The following SLC1A6 variants were observed in gnomAD, a reference collection of about 807,000 sequenced individuals.
The protein encoded by SLC1A6 is solute carrier family 1 member 6, also known as excitatory amino acid transporter 4.
SLC1A6 carries 15 observed loss-of-function variants against 42.1 expected under a neutral mutation model. The observed-to-expected ratio is 0.36, with a 90% CI of 0.24 to 0.55. The LOEUF (loss-of-function observed/expected upper bound fraction) is 0.55, where lower values mean the gene tolerates loss of function less well. Ranked by LOEUF, SLC1A6 falls within the 20% of genes least tolerant of loss-of-function variation. The pLI is 0.88. For synonymous variants in SLC1A6, 317 were observed against 319.7 expected (o/e 0.99, Z 0.09); for missense variants, 542 against 772.5 (o/e 0.70, Z 3.54).
rs770752701 is a variant in SLC1A6 at position 14,956,548 on chromosome 19, G to A, written c.1097C>T (p.Thr366Ile). 2 of 1,613,248 alleles carry A rather than the reference G, an allele frequency of 1.2e-6. No homozygotes were observed. The highest frequency in any genetic ancestry group is 4.5e-5 in the East Asian group (2 of 44,878). ...AATGAAGGGGAAGGGGTTCCGGTGA[G>A]TGACGAGGAAGTAGATGAGGGGAAG... Reference protein sequence around the residue: ...IVLPLIYFLVTHRNPFPFIGG... With the variant: ...IVLPLIYFLVIHRNPFPFIGG... Residue 366 changes from threonine (T) to isoleucine (I), a missense_variant, in exon 7 of 10, where the codon ACT becomes ATT. By Grantham distance (89) the Thr-to-Ile change is moderately conservative. Coordinates refer to ENST00000594383, the MANE Select transcript of SLC1A6 (RefSeq NM_005071.3).
chr19:14,963,995 C>CT (rs34907139), intron 5 of SLC1A6: 81,596 of 158,632 alleles, frequency 0.51, 20,904 homozygotes, highest in Admixed American at 0.58. Context: ...TTTTTTTAAT[C>CT]TTTTTTTTTT....
chr19:14,969,524 G>C (rs2045613490), intron 3 of SLC1A6, among the ~76,000 whole-genome samples: 1 of 152,228 alleles, frequency 6.6e-6, no homozygotes, highest in Admixed American at 6.5e-5. Flanking sequence ...ATGAGGCTGA[G>C]AGGCCAGCCT....
At chr19:14,954,410 C>A (rs917172352) in intron 7 of SLC1A6, 81 bp from the exon 8 acceptor site, 1 of 1,305,962 alleles carries the variant, frequency 7.7e-7, no homozygotes. Flanking sequence ...CCTAGTGGGG[C>A]AGGGCAGAGA....
intron 3 of SLC1A6, among the ~76,000 whole-genome samples, chr19:14,969,103 G>C (rs1350778663): frequency 1.3e-5 from 2 of 152,108 alleles, no homozygotes; most frequent in Non-Finnish European, 2.9e-5. Flanking sequence ...GCCTTCCAAA[G>C]TGCTGGGATT....
intron 1 of SLC1A6, among the ~76,000 whole-genome samples, chr19:14,995,729 G>T (rs968731984): frequency 4.6e-5 from 7 of 152,040 alleles, no homozygotes; most frequent in Non-Finnish European, 1.0e-4. Flanking sequence ...TAAAAGTCCA[G>T]ATCCCCAATG....
At chr19:14,967,909 G>A (rs2045592308) in intron 4 of SLC1A6, among the ~76,000 whole-genome samples, 2 of 152,196 alleles carry the variant, frequency 1.3e-5, no homozygotes, top group Admixed American at 1.3e-4. Flanking sequence ...GACAGAGGCT[G>A]TGCATTTGGG....
At chr19:14,998,542 A>G (rs2045857578) in intron 1 of SLC1A6, among the ~76,000 whole-genome samples, 1 of 152,186 alleles carries the variant, frequency 6.6e-6, no homozygotes, top group South Asian at 2.1e-4. Context: ...CTCTGTCTCA[A>G]AAAACAAACA....
chr19:14,983,771 C>A (rs1030945813), upstream of SLC1A6, among the ~76,000 whole-genome samples: 7 of 149,088 alleles, frequency 4.7e-5, no homozygotes, highest in African/African-American at 1.7e-4. Context: ...CTGTGACGTG[C>A]CTTACAGAGA....
At chr19:14,957,094 GCTTCC>G (rs538276524) in intron 6 of SLC1A6, among the ~76,000 whole-genome samples, 51 of 152,204 alleles carry the variant, frequency 3.4e-4, no homozygotes, top group African/African-American at 1.2e-3. Context: ...GGCCTTCTAA[GCTTCC>G]CTTATCTTCT....
In SLC1A6 at chr19:14,962,272, G is replaced by T; in HGVS notation, c.665C>A (p.Ala222Asp). Residue 222 changes from alanine to aspartate, a missense_variant, in exon 6 of 10, where the codon GCC (alanine) becomes GAC (aspartate). By Grantham distance (126) the Ala-to-Asp change is moderately radical. This residue lies in a region of SLC1A6 where 298 missense variants were observed against 419.4 expected (regional missense o/e 0.71). Transcript: ENST00000594383. The stretch of plus-strand genomic sequence containing the variant: ...CACTGAGAATGGAGGAGGCATGGAG[G>T]CACCCGGCTCAGACCCGTTCTCTGT... ...VRTENGSEPG[A>D]SMPPPFSVEN... 6.2e-7 allele frequency: 1 copy of T among 1,614,138 alleles called. No individual in the cohort carries two copies. The highest frequency in any genetic ancestry group is 1.1e-5 in the South Asian group (1 of 91,078).
intron 1 of SLC1A6, among the ~76,000 whole-genome samples, chr19:15,005,122 T>C (rs1391124485): frequency 6.6e-6 from 1 of 152,080 alleles, no homozygotes; most frequent in Non-Finnish European, 1.5e-5. Context: ...TAGCCAGGCA[T>C]GGTAGCACAT....
rs534522523 is a variant in SLC1A6 at position 15,010,620 on chromosome 19, T to G, written c.-130A>C. 13 of 642,818 alleles carry G rather than the reference T, an allele frequency of 2.0e-5. No individual in the cohort carries two copies. In the Admixed American group the frequency reaches 2.6e-4, roughly 13 times the overall value. The allele number at this position is 642,818 out of a possible 1,614,324, so 39.8% of individuals were successfully genotyped here. On this transcript the variant is annotated 5_prime_UTR_variant, in exon 1 of 9. Transcript: ENST00000430939. ...CTTTCTCAAGGAGTCAGGATGCCAG[T>G]GCACTTAGGCCAAGTTCCAAAGCAA...
intron 9 of SLC1A6, among the ~76,000 whole-genome samples, chr19:14,952,113 G>A (rs746186606): frequency 1.3e-4 from 19 of 151,260 alleles, no homozygotes; most frequent in Admixed American, 3.3e-4. Flanking sequence ...TGTCCTACCC[G>A]TAAACCTCCT....
In SLC1A6 at chr19:14,950,185, T is replaced by G. The variant is rs750302020; in HGVS notation, c.*10A>C. ...TCCCTCCTCTCTGGGGGGGCAGAGC[T>G]GGAGGCCCCTCACATAGCACTCTCG... is the stretch of plus-strand genomic sequence containing the variant. On this transcript the variant is annotated 3_prime_UTR_variant, in exon 10 of 10. Transcript: ENST00000594383. 2 of 1,522,642 alleles carry G rather than the reference T, an allele frequency of 1.3e-6. No individual in the cohort carries two copies. Among genetic ancestry groups the G allele is most frequent in the South Asian group, 2.6e-5 (2 of 76,950 alleles). 94.3% of individuals were successfully genotyped at this position (1,522,642 alleles called of 1,614,324 possible).
At chr19:14,997,392 C>A (rs1218605100) in intron 1 of SLC1A6, among the ~76,000 whole-genome samples, 1 of 152,176 alleles carries the variant, frequency 6.6e-6, no homozygotes, top group Non-Finnish European at 1.5e-5. Context: ...TCATCAGGAC[C>A]TCCTGAGGAT....
At chr19:14,969,746 C>G (rs141238940) in intron 3 of SLC1A6, among the ~76,000 whole-genome samples, 124 of 152,320 alleles carry the variant, frequency 8.1e-4, no homozygotes, top group Non-Finnish European at 1.3e-3. Flanking sequence ...CAGGGATTGG[C>G]AAACTGCTAC....
In SLC1A6 at chr19:15,010,581, A is replaced by T. The variant is rs147316870; in HGVS notation, c.-91T>A. The T allele has an allele frequency of 6.5e-4, 422 of 653,134 alleles. 1 individual carries two copies. The highest frequency in any genetic ancestry group is 5.7e-3 in the African/African-American group (319 of 55,560). The allele number at this position is 653,134 out of a possible 1,614,324, so 40.5% of individuals were successfully genotyped here. ...GTTGCTGGAAGCAACGGCGAGAAGG[A>T]TGCTAGATGGGCTCTTTCTCAAGGA... On this transcript the variant is annotated 5_prime_UTR_variant, in exon 1 of 9. Transcript: ENST00000430939.
Position 14,950,220 on chromosome 19 carries a change from C to A in SLC1A6, c.1670G>T (p.Arg557Leu), listed in dbSNP as rs1423688612. ...TCACATAGCACTCTCGTTGCCTCCC[C>A]GTCCCCGGGATGCCCCCTTCTCCTG... ...MAQEKGASRG[R>L]GGNESAM Residue 557 changes from arginine (R) to leucine (L), a missense_variant, in exon 10 of 10, where the codon CGG becomes CTG. Coordinates refer to ENST00000594383, the MANE Select transcript of SLC1A6 (RefSeq NM_005071.3). The A allele has an allele frequency of 6.3e-7, 1 of 1,585,844 alleles. No homozygotes were observed. Among genetic ancestry groups the A allele is most frequent in the South Asian group, 1.1e-5 (1 of 87,954 alleles).
At chr19:14,990,903 T>C (rs530110622) in intron 1 of SLC1A6, among the ~76,000 whole-genome samples, 2 of 152,306 alleles carry the variant, frequency 1.3e-5, no homozygotes, top group East Asian at 1.9e-4. Flanking sequence ...TAAATGTTCT[T>C]ACCATAAAAG....
Sources: gnomAD v4.1 joint callset for allele counts (sites outside exome capture counted in the v4.1 genomes callset) on GRCh38, gnomAD v4.1.1 for gene constraint, gnomAD v4.1.1 regional missense constraint, MANE v1.5 for transcripts, NCBI Gene and HGNC (gene_info 2026-07-23, HGNC 2026-07-21) for gene names.